Variants in SEPTIN7 observed in about 807,000 individuals in gnomAD.
SEPTIN7 encodes the protein septin-7.
A neutral mutation model predicts 63.3 loss-of-function variants in SEPTIN7; 10 were observed. That is an observed-to-expected ratio of 0.16 (90% confidence interval 0.10 to 0.27). The LOEUF is 0.27. SEPTIN7 is among the 10% of genes least tolerant of loss of function. The pLI, the probability that SEPTIN7 is intolerant of heterozygous loss-of-function variation, is 1.00. For synonymous variants in SEPTIN7, 131 were observed against 165.3 expected, an observed-to-expected ratio of 0.79 and a Z score of 1.59; for missense variants, 310 against 521.0, an observed-to-expected ratio of 0.59 and a Z score of 3.94.
intron 3 of SEPTIN7, among the ~76,000 whole-genome samples, chr7:35,834,299 T>G (rs1274059541): frequency 6.6e-6 from 1 of 152,044 alleles, no homozygotes; most frequent in Non-Finnish European, 1.5e-5. Flanking sequence ...AATTTTTGTT[T>G]AAAGAATTAC....
intron 1 of SEPTIN7, among the ~76,000 whole-genome samples, chr7:35,809,735 A>G (rs923443914): frequency 5.3e-5 from 8 of 152,340 alleles, no homozygotes; most frequent in Admixed American, 3.3e-4. Flanking sequence ...AGAGGTAAGT[A>G]GGCAACTGGT....
chr7:35,870,823 TAA>T (rs34827594), intron 4 of SEPTIN7, among the ~76,000 whole-genome samples: 41,387 of 114,206 alleles, frequency 0.36, 6,234 homozygotes, highest in African/African-American at 0.42. Flanking sequence ...AGACCCTGAC[TAA>T]AAAAAAAAAA....
chr7:35,860,985 T>G (rs1785474878), intron 3 of SEPTIN7, among the ~76,000 whole-genome samples: 1 of 152,192 alleles, frequency 6.6e-6, no homozygotes, highest in South Asian at 2.1e-4. Context: ...TTTCATAATC[T>G]CTTGGGCTCT....
chr7:35,801,075 G>A lies in SEPTIN7; in HGVS notation c.-135G>A. On this transcript the variant is annotated 5_prime_UTR_variant, in exon 1 of 14. Coordinates refer to ENST00000350320, the MANE Select transcript of SEPTIN7 (RefSeq NM_001788.6). Reference sequence around the variant, plus strand: ...GAGCGGGAGTCGAGCGAGAGCCTGTGGAGGAGTCCGCCTGCTGTAGCGTGC... The same window carrying A: ...GAGCGGGAGTCGAGCGAGAGCCTGTAGAGGAGTCCGCCTGCTGTAGCGTGC... 5 of 593,172 alleles carry A rather than the reference G, an allele frequency of 8.4e-6. No individual in the cohort carries two copies. The South Asian group carries it at 1.3e-4, about 15-fold the overall frequency. 36.7% of individuals were successfully genotyped at this position (593,172 alleles called of 1,614,324 possible).
intron 11 of SEPTIN7, among the ~76,000 whole-genome samples, chr7:35,893,663 GGTA>G (rs1787785330): frequency 6.6e-6 from 1 of 152,110 alleles, no homozygotes; most frequent in African/African-American, 2.4e-5. Flanking sequence ...AATTTTCTGA[GGTA>G]GTTTTGGGCA....
At chr7:35,888,730 G>A in intron 10 of SEPTIN7, 1 of 210,742 alleles carries the variant, frequency 4.7e-6, no homozygotes, top group Non-Finnish European at 1.0e-5. Flanking sequence ...TGAGGTGGGA[G>A]GATGGTTTGA....
intron 3 of SEPTIN7, among the ~76,000 whole-genome samples, chr7:35,845,133 AG>A (rs1288695579): frequency 1.3e-5 from 2 of 151,924 alleles, no homozygotes; most frequent in Non-Finnish European, 2.9e-5. Flanking sequence ...GGATGGTGGT[AG>A]AGTGGAGATA....
At chr7:35,819,679 T>G (rs1272336171) in intron 1 of SEPTIN7, among the ~76,000 whole-genome samples, 1 of 152,192 alleles carries the variant, frequency 6.6e-6, no homozygotes, top group East Asian at 1.9e-4. Flanking sequence ...TCAGTCAGTA[T>G]AAAATATCCT....
intron 11 of SEPTIN7, among the ~76,000 whole-genome samples, chr7:35,895,521 A>C (rs1262683367): frequency 1.3e-5 from 2 of 152,222 alleles, no homozygotes; most frequent in Non-Finnish European, 2.9e-5. Context: ...TAAAACTTTC[A>C]AGACTTTCAG....
At chr7:35,913,519 CCTT>C in the SEPTIN7 span, among the ~76,000 whole-genome samples, 768 of 148,428 alleles carry the variant, frequency 5.2e-3, 21 homozygotes, top group East Asian at 0.074. Context: ...TTCCTTCCTT[CCTT>C]CTTTCTTTCC....
intron 3 of SEPTIN7, among the ~76,000 whole-genome samples, chr7:35,848,761 A>T (rs1385813779): frequency 6.6e-6 from 1 of 152,208 alleles, no homozygotes; most frequent in Non-Finnish European, 1.5e-5. Flanking sequence ...CTAAATAATC[A>T]TGAAGAAAAT....
At chr7:35,828,533 C>G (rs1159615750) in intron 1 of SEPTIN7, among the ~76,000 whole-genome samples, 1 of 152,140 alleles carries the variant, frequency 6.6e-6, no homozygotes, top group Non-Finnish European at 1.5e-5. Context: ...CACATGCCAC[C>G]AAGTCCGGCC....
intron 3 of SEPTIN7, among the ~76,000 whole-genome samples, chr7:35,859,051 G>C (rs185127394): frequency 6.6e-6 from 1 of 152,036 alleles, no homozygotes; most frequent in East Asian, 1.9e-4. Context: ...TGCTAGCTTT[G>C]AGTTTAGTTT....
Position 35,801,078 on chromosome 7 carries a change from G to A in SEPTIN7, c.-132G>A. 1.6e-6 allele frequency: 1 copy of A among 606,288 alleles called. No individual in the cohort carries two copies. The highest frequency in any genetic ancestry group is 2.6e-5 in the South Asian group (1 of 38,958). The allele number at this position is 606,288 out of a possible 1,614,324, so 37.6% of individuals were successfully genotyped here. Reference sequence around the variant, plus strand: ...CGGGAGTCGAGCGAGAGCCTGTGGAGGAGTCCGCCTGCTGTAGCGTGCGTA... The same window carrying A: ...CGGGAGTCGAGCGAGAGCCTGTGGAAGAGTCCGCCTGCTGTAGCGTGCGTA... On this transcript the variant is annotated 5_prime_UTR_variant, in exon 1 of 14. Coordinates refer to ENST00000350320, the MANE Select transcript of SEPTIN7 (RefSeq NM_001788.6).
intron 13 of SEPTIN7, among the ~76,000 whole-genome samples, chr7:35,903,462 C>G (rs1194120050): frequency 6.6e-6 from 1 of 152,160 alleles, no homozygotes; most frequent in Non-Finnish European, 1.5e-5. Flanking sequence ...AACTTCATAA[C>G]ATTCTCCCCA....
At chr7:35,875,186 A>G (rs889956174) in intron 6 of SEPTIN7, among the ~76,000 whole-genome samples, 2 of 152,202 alleles carry the variant, frequency 1.3e-5, no homozygotes, top group African/African-American at 4.8e-5. Flanking sequence ...ACAAATTTTT[A>G]TATTCAAATG....
rs775601510 is a variant in SEPTIN7, at chr7:35,895,149, G to T, written c.999-3099G>T. On this transcript the variant is annotated intron_variant, in intron 11 of 13. Coordinates refer to ENST00000350320, the MANE Select transcript of SEPTIN7 (RefSeq NM_001788.6). ...GAGTTTCCTATTAAAAAGCAGGCAG[G>T]CAATAATACAACTTAAATGGTTTTT... 2.0e-4 allele frequency among the ~76,000 whole-genome samples: 31 copies of T among 152,020 alleles called. 1 individual carries two copies. The highest frequency in any genetic ancestry group is 1.5e-4 in the Non-Finnish European group (10 of 67,986).
chr7:35,842,950 G>C (rs751957682), intron 3 of SEPTIN7, among the ~76,000 whole-genome samples: 1 of 151,940 alleles, frequency 6.6e-6, no homozygotes, highest in African/African-American at 2.4e-5. Flanking sequence ...ATGTGTGTGT[G>C]TATGTATGTA....
intron 5 of SEPTIN7, 86 bp downstream of exon 5, chr7:35,872,852 CT>C: frequency 1.1e-6 from 1 of 897,674 alleles, no homozygotes; most frequent in Non-Finnish European, 1.8e-6. Flanking sequence ...TTTAAAACTT[CT>C]CATCTTAGCA....
Sources: allele counts gnomAD v4.1 joint callset (sites outside exome capture counted in the v4.1 genomes callset), GRCh38; gene constraint gnomAD v4.1.1; transcripts MANE v1.5; gene names NCBI Gene and HGNC (gene_info 2026-07-23, HGNC 2026-07-21).